Variants in BBX observed in about 807,000 individuals in gnomAD.
The protein encoded by BBX is BBX high mobility group box domain containing.
BBX carries 30 observed loss-of-function variants against 100.2 expected under a neutral mutation model. The observed-to-expected ratio is 0.30, with a 90% confidence interval of 0.22 to 0.41. BBX has a LOEUF of 0.41. BBX is among the 10% of genes least tolerant of loss of function. The pLI is 1.00. For missense variants in BBX, 1,023 were observed against 1,129.8 expected, an observed-to-expected ratio of 0.91 and a Z score of 1.35; for synonymous variants, 376 against 388.1, an observed-to-expected ratio of 0.97 and a Z score of 0.37.
chr3:107,735,683 C>G (rs2063588747), intron 7 of BBX, among the ~76,000 whole-genome samples: 1 of 151,648 alleles, frequency 6.6e-6, no homozygotes, highest in South Asian at 2.1e-4. Context: ...TAATAAAGTC[C>G]CAGATTAAAA....
At chr3:107,680,815 A>G (rs1429365642) in intron 3 of BBX, among the ~76,000 whole-genome samples, 1 of 152,182 alleles carries the variant, frequency 6.6e-6, no homozygotes, top group African/African-American at 2.4e-5. Context: ...ACCTTTCATT[A>G]ATTAAACAGA....
intron 3 of BBX, among the ~76,000 whole-genome samples, chr3:107,693,921 G>C (rs1289933029): frequency 6.6e-6 from 1 of 151,172 alleles, no homozygotes; most frequent in East Asian, 1.9e-4. Context: ...CACATCCCTT[G>C]TAAGTTGGAT....
At chr3:107,528,484 A>T (rs1461974369) in intron 2 of BBX, among the ~76,000 whole-genome samples, 1 of 152,206 alleles carries the variant, frequency 6.6e-6, no homozygotes, top group Non-Finnish European at 1.5e-5. Context: ...TGAAACATTA[A>T]GAAAATGTAT....
At chr3:107,697,771 C>T (rs2108152796) in intron 3 of BBX, among the ~76,000 whole-genome samples, 1 of 151,876 alleles carries the variant, frequency 6.6e-6, no homozygotes, top group East Asian at 1.9e-4. Flanking sequence ...CAAGCCTGGG[C>T]AATGGCGGGC....
At chr3:107,643,984 T>TTAAAAAACCCATATTGGGCAAAGCA (rs1313250198) in intron 2 of BBX, among the ~76,000 whole-genome samples, 1 of 152,156 alleles carries the variant, frequency 6.6e-6, no homozygotes, top group South Asian at 2.1e-4. Flanking sequence ...TTTAAGAGAT[T>TTAAAAAACCCATATTGGGCAAAGCA]TAAAAAACCC....
intron 3 of BBX, among the ~76,000 whole-genome samples, chr3:107,646,853 C>T (rs1268478241): frequency 1.3e-5 from 2 of 152,058 alleles, no homozygotes; most frequent in Non-Finnish European, 2.9e-5. Flanking sequence ...CTACCTTCCC[C>T]TTTTGGTAAC....
At chr3:107,538,072 T>C (rs2048618068) in intron 2 of BBX, among the ~76,000 whole-genome samples, 1 of 152,370 alleles carries the variant, frequency 6.6e-6, no homozygotes, top group South Asian at 2.1e-4. Context: ...GATCTTGTTA[T>C]GTACCAGTCT....
intron 2 of BBX, among the ~76,000 whole-genome samples, chr3:107,550,985 C>G (rs1249417934): frequency 6.6e-6 from 1 of 152,124 alleles, no homozygotes; most frequent in Non-Finnish European, 1.5e-5. Flanking sequence ...AAAATGAAAA[C>G]CTCAAATCAA....
At chr3:107,791,126 T>C in intron 14 of BBX, 114 bp from the exon 15 acceptor site, 1 of 776,984 alleles carries the variant, frequency 1.3e-6, no homozygotes, top group Non-Finnish European at 2.1e-6. Context: ...AAAATTCAGC[T>C]TTATTTGTGT....
chr3:107,760,525 A>G (rs776124096), intron 10 of BBX, among the ~76,000 whole-genome samples: 8 of 152,264 alleles, frequency 5.3e-5, no homozygotes, highest in Non-Finnish European at 8.8e-5. Flanking sequence ...CTTATTCTCT[A>G]GTTGTAGAGA....
intron 2 of BBX, among the ~76,000 whole-genome samples, chr3:107,623,121 G>A (rs1293660511): frequency 6.6e-6 from 1 of 152,176 alleles, no homozygotes; most frequent in Non-Finnish European, 1.5e-5. Context: ...CATCGACGCA[G>A]TGCTTTGTTT....
intron 2 of BBX, among the ~76,000 whole-genome samples, chr3:107,541,775 T>G (rs932344901): frequency 5.9e-5 from 9 of 152,112 alleles, no homozygotes; most frequent in Non-Finnish European, 4.4e-5. Context: ...ATATTGTAAC[T>G]TGATATTAAC....
At chr3:107,669,800 TA>T (rs1479126074) in intron 3 of BBX, among the ~76,000 whole-genome samples, 1 of 152,186 alleles carries the variant, frequency 6.6e-6, no homozygotes, top group Non-Finnish European at 1.5e-5. Flanking sequence ...TCCTGTGAAG[TA>T]GGCCCTAGTC....
At chr3:107,759,088 G>A (rs2107691692) in intron 10 of BBX, among the ~76,000 whole-genome samples, 1 of 152,246 alleles carries the variant, frequency 6.6e-6, no homozygotes, top group East Asian at 1.9e-4. Flanking sequence ...AAAAAACTGG[G>A]GGAAATTGGC....
intron 2 of BBX, among the ~76,000 whole-genome samples, chr3:107,592,795 T>A (rs1280345074): frequency 1.3e-5 from 2 of 152,166 alleles, no homozygotes; most frequent in Non-Finnish European, 2.9e-5. Context: ...ATCCTGAGCC[T>A]CCCACCTCCA....
chr3:107,760,595 A>G (rs772831768), intron 10 of BBX, among the ~76,000 whole-genome samples: 2 of 152,256 alleles, frequency 1.3e-5, no homozygotes, highest in Non-Finnish European at 2.9e-5. Context: ...ATAAGGAATC[A>G]TGCAAGGAAA....
In BBX at chr3:107,762,146, T is replaced by C. The variant is rs1165792435; in HGVS notation, c.906+6468T>C. Among the ~76,000 whole-genome samples the C allele has an allele frequency of 2.0e-5, 3 of 152,202 alleles. No individual in the cohort carries two copies. The East Asian group carries it at 5.8e-4, about 29-fold the overall frequency. On this transcript the variant is annotated intron_variant, in intron 10 of 17. Coordinates refer to ENST00000325805, the MANE Select transcript of BBX (RefSeq NM_001142568.3). ...ATCCCCAATTGCACTAGGTTATTTT[T>C]GGAGGAACAGAAAGTAGAGGAATGT...
intron 3 of BBX, among the ~76,000 whole-genome samples, chr3:107,676,569 A>G (rs2059292481): frequency 6.6e-6 from 1 of 152,174 alleles, no homozygotes; most frequent in Non-Finnish European, 1.5e-5. Flanking sequence ...CTAATCTTTT[A>G]TCATCATCAT....
intron 2 of BBX, among the ~76,000 whole-genome samples, chr3:107,606,159 A>G (rs566385384): frequency 2.6e-5 from 4 of 152,354 alleles, no homozygotes; most frequent in African/African-American, 9.6e-5. Flanking sequence ...GTCAGTTTGT[A>G]TATGTATCTA....
Sources: allele counts gnomAD v4.1 joint callset (sites outside exome capture counted in the v4.1 genomes callset), GRCh38; gene constraint gnomAD v4.1.1; transcripts MANE v1.5; gene names NCBI Gene and HGNC (gene_info 2026-07-23, HGNC 2026-07-21).